Variants in CCDC178 observed in about 807,000 individuals in gnomAD.
CCDC178 encodes coiled-coil domain-containing protein 178.
A neutral mutation model predicts 117.4 loss-of-function variants in CCDC178; 126 were observed. The ratio of observed to expected loss-of-function variants is 1.07; its 90% CI spans 0.93 to 1.24. The LOEUF is 1.24. CCDC178 is among the 50% of genes most tolerant of loss of function. The probability of loss-of-function intolerance (pLI) is 0.00; values close to 1 mark genes in which losing one functional copy is unlikely to be tolerated. For synonymous variants in CCDC178, 283 were observed against 313.4 expected (o/e 0.90, Z 1.02); for missense variants, 1,030 against 986.9 (o/e 1.04, Z -0.59).
At chr18:33,256,247 T>C (rs528968308) in intron 14 of CCDC178, among the ~76,000 whole-genome samples, 1 of 152,108 alleles carries the variant, frequency 6.6e-6, no homozygotes, top group South Asian at 2.1e-4. Flanking sequence ...TTTCATTTTA[T>C]ATTGGAGGAG....
chr18:33,427,737 T>A (rs550852981), intron 2 of CCDC178, among the ~76,000 whole-genome samples: 4 of 152,188 alleles, frequency 2.6e-5, no homozygotes, highest in Non-Finnish European at 5.9e-5. Flanking sequence ...CACAAAGATA[T>A]CTCATACTGT....
chr18:33,173,924 A>T (rs1456403400), intron 20 of CCDC178, among the ~76,000 whole-genome samples: 1 of 152,196 alleles, frequency 6.6e-6, no homozygotes, highest in Admixed American at 6.5e-5. Context: ...GGAGATTTAC[A>T]ATTGGCTTTT....
chr18:33,036,219 A>G (rs1330523606), intron 21 of CCDC178, among the ~76,000 whole-genome samples: 1 of 151,966 alleles, frequency 6.6e-6, no homozygotes, highest in Non-Finnish European at 1.5e-5. Flanking sequence ...AGTAATATGT[A>G]GTATCTATAA....
At chr18:33,249,958 T>C (rs1599053309) in intron 14 of CCDC178, among the ~76,000 whole-genome samples, 1 of 152,024 alleles carries the variant, frequency 6.6e-6, no homozygotes, top group Non-Finnish European at 1.5e-5. Context: ...CAGTGGTTTG[T>C]AGTTCTCCTT....
In CCDC178 at chr18:33,333,157, T is replaced by G; in HGVS notation, c.879+17A>C. 7.0e-7 allele frequency: 1 copy of G among 1,426,782 alleles called. No individual in the cohort carries two copies. The highest frequency in any genetic ancestry group is 1.2e-5 in the South Asian group (1 of 81,840). The allele number at this position is 1,426,782 out of a possible 1,614,324, so 88.4% of individuals were successfully genotyped here. A position where few individuals can be genotyped will look rare whatever the true frequency, so the allele number is the denominator to read the frequency against. On this transcript the variant is annotated intron_variant, in intron 10 of 22. Coordinates refer to ENST00000383096, the MANE Select transcript of CCDC178 (RefSeq NM_001105528.4). Reference sequence around the variant, plus strand: ...TAAGTAATAATTTATGAAATGCTCATGCATTCGTTTATTTACCTCCATTTT... The same window carrying G: ...TAAGTAATAATTTATGAAATGCTCAGGCATTCGTTTATTTACCTCCATTTT...
At chr18:33,332,009 A>G (rs1429638442) in intron 10 of CCDC178, among the ~76,000 whole-genome samples, 1 of 152,214 alleles carries the variant, frequency 6.6e-6, no homozygotes, top group Non-Finnish European at 1.5e-5. Flanking sequence ...AATGGTAAGT[A>G]ATTACATTGT....
intron 20 of CCDC178, among the ~76,000 whole-genome samples, chr18:33,132,909 G>C (rs1006160506): frequency 7.9e-5 from 12 of 151,728 alleles, no homozygotes; most frequent in Non-Finnish European, 1.6e-4. Flanking sequence ...AACAGATTTC[G>C]ATTCCCTAAC....
chr18:33,400,956 G>T (rs1264710748), intron 3 of CCDC178, among the ~76,000 whole-genome samples: 1 of 152,094 alleles, frequency 6.6e-6, no homozygotes, highest in Non-Finnish European at 1.5e-5. Flanking sequence ...CTCTTAGAGG[G>T]CATTGTAAGG....
intron 14 of CCDC178, among the ~76,000 whole-genome samples, chr18:33,254,589 C>A (rs2059657115): frequency 6.6e-6 from 1 of 151,924 alleles, no homozygotes; most frequent in Non-Finnish European, 1.5e-5. Flanking sequence ...GCACTTTACA[C>A]TGTTTTGGTT....
At chr18:33,015,303 G>T (rs916135873) in intron 21 of CCDC178, among the ~76,000 whole-genome samples, 3 of 150,736 alleles carry the variant, frequency 2.0e-5, no homozygotes, top group Non-Finnish European at 4.4e-5. Flanking sequence ...AAAGTCTCAC[G>T]CCTGTAATCT....
rs887225452 is a variant in CCDC178, at chr18:33,079,194, T to C, written c.2388+13567A>G. ...AATGCAGAAAGGACCCCCTATTCAA[T>C]AAATGGTGCTGAGATAACTGGCTAG... On this transcript the variant is annotated intron_variant, in intron 21 of 22. Transcript: ENST00000383096. 8.5e-5 allele frequency among the ~76,000 whole-genome samples: 13 copies of C among 152,222 alleles called. 1 individual carries two copies. Among genetic ancestry groups the C allele is most frequent in the South Asian group, 6.2e-4 (3 of 4,828 alleles).
intron 20 of CCDC178, among the ~76,000 whole-genome samples, chr18:33,169,472 T>C (rs1410056039): frequency 6.6e-6 from 1 of 152,182 alleles, no homozygotes; most frequent in Non-Finnish European, 1.5e-5. Context: ...AAGTTTCATG[T>C]CACTAACTTC....
chr18:33,351,356 C>A (rs1312455306), intron 7 of CCDC178, among the ~76,000 whole-genome samples: 1 of 152,064 alleles, frequency 6.6e-6, no homozygotes, highest in Non-Finnish European at 1.5e-5. Flanking sequence ...TCACACCCAG[C>A]TAATTTTTGT....
intron 21 of CCDC178, among the ~76,000 whole-genome samples, chr18:32,987,738 T>C (rs2055292801): frequency 6.6e-6 from 1 of 152,052 alleles, no homozygotes; most frequent in Non-Finnish European, 1.5e-5. Flanking sequence ...AAATTAGAAG[T>C]CAGAAAGCAA....
chr18:33,432,478 T>TAC (rs56111462), intron 2 of CCDC178, among the ~76,000 whole-genome samples: 5,998 of 143,322 alleles, frequency 0.042, 220 homozygotes, highest in African/African-American at 0.095. Context: ...GCCTTCTCCA[T>TAC]ACACACACAC....
At chr18:33,258,885 C>CTA (rs1328282848) in intron 14 of CCDC178, among the ~76,000 whole-genome samples, 1 of 152,056 alleles carries the variant, frequency 6.6e-6, no homozygotes, top group Non-Finnish European at 1.5e-5. Context: ...TTATTAATCT[C>CTA]TATATTATTT....
intron 21 of CCDC178, among the ~76,000 whole-genome samples, chr18:33,075,940 C>T (rs754915408): frequency 2.0e-5 from 3 of 152,088 alleles, no homozygotes; most frequent in East Asian, 1.9e-4. Context: ...CTACACTCCA[C>T]CGTGGGGTAC....
intron 22 of CCDC178, among the ~76,000 whole-genome samples, chr18:32,940,092 A>T (rs1195155148): frequency 6.8e-6 from 1 of 146,212 alleles, no homozygotes; most frequent in Non-Finnish European, 1.5e-5. Context: ...ATTTGCTTGA[A>T]TTGGCAGAGT....
intron 20 of CCDC178, among the ~76,000 whole-genome samples, chr18:33,152,587 C>A (rs1598937141): frequency 6.6e-6 from 1 of 151,974 alleles, no homozygotes; most frequent in Non-Finnish European, 1.5e-5. Flanking sequence ...CCATCTCAGC[C>A]ATCCAGCTGA....
Sources: gnomAD v4.1 joint callset for allele counts (sites outside exome capture counted in the v4.1 genomes callset) on GRCh38, gnomAD v4.1.1 for gene constraint, MANE v1.5 for transcripts, NCBI Gene and HGNC (gene_info 2026-07-23, HGNC 2026-07-21) for gene names.